Variants in LRIG1 observed in about 807,000 individuals in gnomAD.
LRIG1 encodes leucine rich repeats and immunoglobulin like domains 1.
A neutral mutation model predicts 99.2 loss-of-function variants in LRIG1; 48 were observed. That is an observed-to-expected ratio of 0.48 (90% CI 0.38 to 0.62). LRIG1 has a LOEUF of 0.62. LRIG1 is among the 20% of genes least tolerant of loss of function. The pLI is 0.00. For synonymous variants in LRIG1, 772 were observed against 596.1 expected, an observed-to-expected ratio of 1.29 and a Z score of -4.30; for missense variants, 1,646 against 1,434.4, an observed-to-expected ratio of 1.15 and a Z score of -2.38.
At chr3:66,450,368 C>T (rs1703864000) in intron 3 of LRIG1, among the ~76,000 whole-genome samples, 1 of 152,172 alleles carries the variant, frequency 6.6e-6, no homozygotes, top group Non-Finnish European at 1.5e-5. Context: ...ATTCCACTCC[C>T]CCGGGCCTCA....
intron 15 of LRIG1, among the ~76,000 whole-genome samples, 196 bp downstream of exon 15, chr3:66,382,786 T>C (rs1305916672): frequency 2.0e-5 from 3 of 147,426 alleles, no homozygotes; most frequent in Admixed American, 6.7e-5. Flanking sequence ...TGAGTATTCC[T>C]GTTTAAGGTT....
At chr3:66,454,709 C>A (rs566150935) in intron 2 of LRIG1, among the ~76,000 whole-genome samples, 1 of 152,164 alleles carries the variant, frequency 6.6e-6, no homozygotes, top group Non-Finnish European at 1.5e-5. Context: ...AAAAGGATTC[C>A]GGACCCCAGG....
intron 9 of LRIG1, among the ~76,000 whole-genome samples, chr3:66,402,723 C>T (rs1305586186): frequency 6.6e-6 from 1 of 152,170 alleles, no homozygotes; most frequent in Non-Finnish European, 1.5e-5. Context: ...GGATCAGCTG[C>T]TCTAGAGGGG....
chr3:66,494,480 C>G (rs1378269582), intron 1 of LRIG1, among the ~76,000 whole-genome samples: 1 of 151,972 alleles, frequency 6.6e-6, no homozygotes, highest in East Asian at 1.9e-4. Flanking sequence ...GTAGCAAATG[C>G]CCATTTAGAA....
At chr3:66,492,749 C>A (rs1243193945) in intron 1 of LRIG1, among the ~76,000 whole-genome samples, 1 of 152,192 alleles carries the variant, frequency 6.6e-6, no homozygotes, top group African/African-American at 2.4e-5. Flanking sequence ...TGTATTAGGA[C>A]TTGCAGAAAT....
intron 8 of LRIG1, chr3:66,405,766 T>TGGAGCCC (rs1289487342): frequency 7.7e-6 from 9 of 1,174,410 alleles, no homozygotes; most frequent in African/African-American, 1.6e-5. Context: ...CCAGTGGGTC[T>TGGAGCCC]GGAGCCCGGA....
At chr3:66,482,812 G>A (rs1361436070) in intron 1 of LRIG1, among the ~76,000 whole-genome samples, 1 of 152,064 alleles carries the variant, frequency 6.6e-6, no homozygotes, top group Non-Finnish European at 1.5e-5. Flanking sequence ...TTTAAAAACT[G>A]CTTAAAGTCA....
In LRIG1 at chr3:66,472,368, C is replaced by T. The variant is rs901532412; in HGVS notation, c.219-9859G>A. Among the ~76,000 whole-genome samples, 6 of 136,990 alleles carry T rather than the reference C, an allele frequency of 4.4e-5. No homozygotes were observed. The East Asian group carries it at 1.3e-3, about 30-fold the overall frequency. 89.9% of individuals were successfully genotyped at this position (136,990 alleles called of 152,430 possible). ...CGGATGGTCACAGGAAAGATGCAAA[C>T]TAACAAGGAAAGCTTCTTCGACTGC... On this transcript the variant is annotated intron_variant, in intron 1 of 18. Coordinates refer to ENST00000273261, the MANE Select transcript of LRIG1 (RefSeq NM_015541.3).
chr3:66,473,457 G>A (rs1296429330), intron 1 of LRIG1, among the ~76,000 whole-genome samples: 2 of 152,182 alleles, frequency 1.3e-5, no homozygotes, highest in African/African-American at 4.8e-5. Context: ...GTCTCCTGGT[G>A]CCTGTGCAAA....
chr3:66,441,570 T>A (rs1703540384), intron 3 of LRIG1, among the ~76,000 whole-genome samples: 1 of 152,110 alleles, frequency 6.6e-6, no homozygotes, highest in Non-Finnish European at 1.5e-5. Context: ...TCACCTCGGG[T>A]CAGAAAGAGG....
intron 1 of LRIG1, among the ~76,000 whole-genome samples, chr3:66,491,459 C>T (rs1701100097): frequency 6.6e-6 from 1 of 151,984 alleles, no homozygotes; most frequent in Admixed American, 6.5e-5. Context: ...CTAAACACCT[C>T]CTACAAAAGA....
chr3:66,420,465 A>C (rs764369110), intron 3 of LRIG1, among the ~76,000 whole-genome samples: 1 of 152,256 alleles, frequency 6.6e-6, no homozygotes, highest in Non-Finnish European at 1.5e-5. Flanking sequence ...CCACTTCTGC[A>C]TATCTAAATA....
intron 8 of LRIG1, chr3:66,405,687 G>C: frequency 2.8e-6 from 3 of 1,089,102 alleles, no homozygotes; most frequent in Non-Finnish European, 3.4e-6. Context: ...ACATGACCGA[G>C]AAACTGCAGA....
intron 3 of LRIG1, among the ~76,000 whole-genome samples, chr3:66,450,842 T>C (rs1703882846): frequency 6.6e-6 from 1 of 152,222 alleles, no homozygotes; most frequent in African/African-American, 2.4e-5. Context: ...AGAAAACTGT[T>C]GGACTCATGG....
Position 66,494,420 on chromosome 3 carries a change from C to G in LRIG1, c.218+5770G>C, listed in dbSNP as rs532956469. ...AGGTGAGGAAAGCTTTGTCCCTAGC[C>G]CATTCTCTCCCCCAGTCAATAACCC... is the stretch of plus-strand genomic sequence containing the variant. On this transcript the variant is annotated intron_variant, in intron 1 of 18. Transcript: ENST00000273261. Among the ~76,000 whole-genome samples the G allele has an allele frequency of 6.6e-5, 10 of 152,268 alleles. No individual in the cohort carries two copies. In the East Asian group the frequency reaches 1.9e-3, roughly 29 times the overall value.
At chr3:66,438,472 G>A (rs1481067666) in intron 3 of LRIG1, among the ~76,000 whole-genome samples, 1 of 152,158 alleles carries the variant, frequency 6.6e-6, no homozygotes, top group Non-Finnish European at 1.5e-5. Context: ...TTACAGGTGA[G>A]GGAACAGAAG....
chr3:66,457,037 C>T (rs1192971449), intron 2 of LRIG1, among the ~76,000 whole-genome samples: 1 of 152,142 alleles, frequency 6.6e-6, no homozygotes, highest in African/African-American at 2.4e-5. Flanking sequence ...AGGGGCCTCG[C>T]CTTCTCTCTC....
At chr3:66,381,429 C>T in intron 17 of LRIG1, 50 bp downstream of exon 17, 1 of 1,585,608 alleles carries the variant, frequency 6.3e-7, no homozygotes, top group Admixed American at 1.7e-5. Context: ...TAGGTCAGCC[C>T]AAATTTCCAT....
At chr3:66,464,628 A>G (rs1700430296) in intron 1 of LRIG1, among the ~76,000 whole-genome samples, 1 of 152,176 alleles carries the variant, frequency 6.6e-6, no homozygotes, top group Admixed American at 6.5e-5. Context: ...CAAAGGGAAC[A>G]TATGTTTCTG....
Sources: allele counts gnomAD v4.1 joint callset (sites outside exome capture counted in the v4.1 genomes callset), GRCh38; gene constraint gnomAD v4.1.1; transcripts MANE v1.5; gene names NCBI Gene and HGNC (gene_info 2026-07-23, HGNC 2026-07-21).